Variants in RIGI observed in about 807,000 individuals in gnomAD.
RIGI encodes the protein RNA sensor RIG-I.
the RIGI span, among the ~76,000 whole-genome samples, chr9:32,500,405 A>G: frequency 6.6e-6 from 1 of 152,154 alleles, no homozygotes; most frequent in African/African-American, 2.4e-5. Context: ...TTTTAATAAC[A>G]TTTTATCATT....
the RIGI span, among the ~76,000 whole-genome samples, chr9:32,506,450 G>T: frequency 1.3e-5 from 2 of 152,058 alleles, no homozygotes; most frequent in African/African-American, 4.8e-5. Flanking sequence ...GATTTCTTGT[G>T]GGATTTCTTC....
the RIGI span, chr9:32,466,459 T>G: frequency 1.8e-5 from 29 of 1,579,722 alleles, no homozygotes; most frequent in Non-Finnish European, 2.4e-5. Context: ...AAAATAAATA[T>G]TTTAGTTGGT....
the RIGI span, among the ~76,000 whole-genome samples, chr9:32,501,753 A>G: frequency 1.3e-5 from 2 of 152,194 alleles, no homozygotes; most frequent in African/African-American, 4.8e-5. Flanking sequence ...GTGAACCACT[A>G]TATTCTCATA....
chr9:32,493,750 T>C, the RIGI span: 128 of 1,511,290 alleles, frequency 8.5e-5, no homozygotes, highest in Non-Finnish European at 9.1e-5. Context: ...TAGTATTTTA[T>C]ATTAACTTAC....
At chr9:32,493,738 T>G in the RIGI span, 4 of 1,437,912 alleles carry the variant, frequency 2.8e-6, no homozygotes, top group Admixed American at 2.1e-5. Flanking sequence ...TTCCCCCAAT[T>G]TTAGTATTTT....
the RIGI span, chr9:32,466,250 T>G: frequency 6.2e-7 from 1 of 1,604,302 alleles, no homozygotes; most frequent in Non-Finnish European, 8.5e-7. Context: ...TCCCTGATAG[T>G]TATTTATGGT....
At chr9:32,509,156 G>A in the RIGI span, among the ~76,000 whole-genome samples, 3 of 152,150 alleles carry the variant, frequency 2.0e-5, no homozygotes, top group African/African-American at 7.2e-5. Flanking sequence ...TGGGGAAAAG[G>A]GCAGCTGTGG....
the RIGI span, among the ~76,000 whole-genome samples, chr9:32,495,692 C>T: frequency 1.4e-5 from 2 of 139,976 alleles, no homozygotes; most frequent in African/African-American, 5.4e-5. Flanking sequence ...TGGAGTCTCG[C>T]TCTGTCACCC....
At chr9:32,477,531 T>C in the RIGI span, among the ~76,000 whole-genome samples, 1 of 152,194 alleles carries the variant, frequency 6.6e-6, no homozygotes, top group South Asian at 2.1e-4. Flanking sequence ...CTGTGAAAAT[T>C]AATAAGGGAG....
chr9:32,504,067 A>ACACACACACACACACACACACACC, the RIGI span, among the ~76,000 whole-genome samples: 2 of 151,318 alleles, frequency 1.3e-5, no homozygotes, highest in African/African-American at 2.4e-5. Flanking sequence ...ACACACACAC[A>ACACACACACACACACACACACACC]CCCAGGTCTG....
the RIGI span, among the ~76,000 whole-genome samples, chr9:32,494,686 C>A: frequency 6.6e-6 from 1 of 152,002 alleles, no homozygotes; most frequent in Non-Finnish European, 1.5e-5. Context: ...CTTTTTCTCT[C>A]CTCACCCCTG....
the RIGI span, among the ~76,000 whole-genome samples, chr9:32,502,202 A>G: frequency 2.0e-5 from 3 of 152,258 alleles, no homozygotes; most frequent in East Asian, 5.8e-4. Context: ...ATTCCTTTTT[A>G]TTGCCAAATA....
chr9:32,457,170 G>C, the RIGI span: 7 of 1,613,944 alleles, frequency 4.3e-6, no homozygotes, highest in Non-Finnish European at 5.9e-6. Flanking sequence ...CAAAATGAAA[G>C]TCCTTCCACT....
At chr9:32,499,311 G>GT in the RIGI span, among the ~76,000 whole-genome samples, 64 of 81,104 alleles carry the variant, frequency 7.9e-4, 2 homozygotes, top group South Asian at 1.6e-3. Flanking sequence ...CAGAGTTTGT[G>GT]ATTTGTTTTT....
chr9:32,490,402 C>T, the RIGI span, among the ~76,000 whole-genome samples: 3 of 151,882 alleles, frequency 2.0e-5, no homozygotes, highest in Non-Finnish European at 4.4e-5. Context: ...CAACAAAAGG[C>T]ATGCAAGAAT....
At chr9:32,464,628 C>T in the RIGI span, among the ~76,000 whole-genome samples, 15 of 152,262 alleles carry the variant, frequency 9.9e-5, no homozygotes, top group Admixed American at 7.2e-4. Flanking sequence ...CCACCCGCCT[C>T]GGCCTCCCAA....
chr9:32,468,042 G>T, the RIGI span: 1 of 966,750 alleles, frequency 1.0e-6, no homozygotes, highest in Non-Finnish European at 1.5e-6. Context: ...ACTGTGATAA[G>T]TACTTTATAT....
At chr9:32,494,280 C>G in the RIGI span, among the ~76,000 whole-genome samples, 1 of 151,946 alleles carries the variant, frequency 6.6e-6, no homozygotes, top group Non-Finnish European at 1.5e-5. Flanking sequence ...TCAGAGTCAA[C>G]AGGTTTATTA....
the RIGI span, among the ~76,000 whole-genome samples, chr9:32,504,720 T>A: frequency 4.2e-5 from 6 of 142,098 alleles, no homozygotes; most frequent in African/African-American, 1.6e-4. Flanking sequence ...TTAATATATA[T>A]AAAATATATA....
Sources: gnomAD v4.1 joint callset for allele counts (sites outside exome capture counted in the v4.1 genomes callset) on GRCh38, gnomAD v4.1.1 for gene constraint, MANE v1.5 for transcripts, NCBI Gene and HGNC (gene_info 2026-07-23, HGNC 2026-07-21) for gene names.